CPPED1: variants seen among roughly 807,000 people sequenced by gnomAD.
CPPED1 encodes the protein serine/threonine-protein phosphatase CPPED1.
Under a neutral mutation model 28.0 loss-of-function variants are expected in CPPED1, and 28 were observed. That is an observed-to-expected ratio of 1.00 (90% CI 0.74 to 1.37). CPPED1 has a LOEUF of 1.37. CPPED1 is among the 40% of genes most tolerant of loss of function. The pLI, the probability that CPPED1 is intolerant of heterozygous loss-of-function variation, is 0.00. For missense variants in CPPED1, 504 were observed against 416.5 expected (o/e 1.21, Z -1.83); for synonymous variants, 198 against 180.2 (o/e 1.10, Z -0.79).
chr16:12,721,333 A>C (rs531701716), intron 2 of CPPED1, among the ~76,000 whole-genome samples: 1 of 152,386 alleles, frequency 6.6e-6, no homozygotes, highest in African/African-American at 2.4e-5. Context: ...CAAAGTACCA[A>C]GGAATATAAC....
chr16:12,789,928 T>A (rs1474835357), intron 1 of CPPED1, among the ~76,000 whole-genome samples: 1 of 152,160 alleles, frequency 6.6e-6, no homozygotes, highest in African/African-American at 2.4e-5. Context: ...GTATAGAGAA[T>A]AACAAGATCT....
chr16:12,686,638 G>A (rs901567945), intron 3 of CPPED1, among the ~76,000 whole-genome samples: 2 of 152,212 alleles, frequency 1.3e-5, no homozygotes, highest in African/African-American at 4.8e-5. Context: ...ATCAGAGAGG[G>A]GAGGATGCTG....
chr16:12,719,187 C>A (rs1022530754), intron 2 of CPPED1, among the ~76,000 whole-genome samples: 3 of 152,050 alleles, frequency 2.0e-5, no homozygotes, highest in Non-Finnish European at 4.4e-5. Context: ...GTCAGGAGAT[C>A]GAGACCATCC....
intron 2 of CPPED1, among the ~76,000 whole-genome samples, chr16:12,755,439 G>T (rs1160505147): frequency 6.6e-6 from 1 of 151,678 alleles, no homozygotes; most frequent in African/African-American, 2.4e-5. Flanking sequence ...ATGCCACCAT[G>T]CCTGGCTAAT....
chr16:12,678,005 T>C (rs188541208), intron 3 of CPPED1, among the ~76,000 whole-genome samples: 4 of 152,166 alleles, frequency 2.6e-5, no homozygotes, highest in African/African-American at 9.7e-5. Flanking sequence ...TAAAACTTTA[T>C]TTACAAAAAT....
chr16:12,761,867 C>T (rs1164796006), intron 2 of CPPED1, among the ~76,000 whole-genome samples: 5 of 152,000 alleles, frequency 3.3e-5, no homozygotes, highest in Admixed American at 6.6e-5. Flanking sequence ...AAAAAGTAGC[C>T]GGGCATGGTG....
intron 2 of CPPED1, among the ~76,000 whole-genome samples, chr16:12,744,294 G>GAAAGCAAGCAAGCA (rs1555488298): frequency 2.6e-5 from 2 of 76,426 alleles, no homozygotes; most frequent in East Asian, 3.8e-4. Context: ...GAGAGAGAGA[G>GAAAGCAAGCAAGCA]AGAAAGCAAG....
In CPPED1 at chr16:12,721,607, G is replaced by A. The variant is rs149812675; in HGVS notation, c.290-16558C>T. ...GTCCCTACTAAAAATAAAAAAATTA[G>A]CCGGGCATGGTAGCGGGCACCTGTA... On this transcript the variant is annotated intron_variant, in intron 2 of 3. Coordinates refer to ENST00000381774, the MANE Select transcript of CPPED1 (RefSeq NM_018340.3). Among the ~76,000 whole-genome samples, 37 of 152,116 alleles carry A rather than the reference G, an allele frequency of 2.4e-4. No individual in the cohort carries two copies. The Middle Eastern group carries it at 0.014, about 56-fold the overall frequency.
chr16:12,681,494 A>G (rs1305470565), intron 3 of CPPED1, among the ~76,000 whole-genome samples: 1 of 152,166 alleles, frequency 6.6e-6, no homozygotes, highest in Non-Finnish European at 1.5e-5. Context: ...TAGCAGCACA[A>G]AACGAACTAA....
chr16:12,716,708 C>T (rs2080108823), intron 2 of CPPED1, among the ~76,000 whole-genome samples: 1 of 152,202 alleles, frequency 6.6e-6, no homozygotes, highest in African/African-American at 2.4e-5. Context: ...CAGGCTTAGT[C>T]ATTACAGGGC....
At chr16:12,740,680 A>C (rs1382766481) in intron 2 of CPPED1, among the ~76,000 whole-genome samples, 1 of 152,134 alleles carries the variant, frequency 6.6e-6, no homozygotes, top group Non-Finnish European at 1.5e-5. Context: ...AGCCAGCTGC[A>C]GGGGCAAGGG....
chr16:12,667,231 T>C (rs914659792), intron 3 of CPPED1, among the ~76,000 whole-genome samples: 11 of 152,266 alleles, frequency 7.2e-5, no homozygotes, highest in African/African-American at 2.2e-4. Context: ...AACCCTTCAA[T>C]TGGGAACACA....
At chr16:12,725,698 C>T (rs2080166501) in intron 2 of CPPED1, among the ~76,000 whole-genome samples, 1 of 152,072 alleles carries the variant, frequency 6.6e-6, no homozygotes, top group Non-Finnish European at 1.5e-5. Flanking sequence ...ACCTCGTGTT[C>T]AAATCTCTCT....
rs538391669 is a variant in CPPED1, at chr16:12,687,243, A to C, written c.715+17381T>G. On this transcript the variant is annotated intron_variant, in intron 3 of 3. Transcript: ENST00000381774. ...AATTTAAAAGATACGGTGACTACAA[A>C]AGAATAATGTAACATTCGTAATGCC... 2.0e-5 allele frequency among the ~76,000 whole-genome samples: 3 copies of C among 152,322 alleles called. No individual in the cohort carries two copies. In the South Asian group the frequency reaches 6.2e-4, roughly 32 times the overall value.
At chr16:12,799,048 G>T (rs753979589) in intron 1 of CPPED1, among the ~76,000 whole-genome samples, 2 of 152,092 alleles carry the variant, frequency 1.3e-5, no homozygotes, top group Non-Finnish European at 2.9e-5. Context: ...GTAAATCACC[G>T]GTGGGAGGAA....
At chr16:12,688,724 C>T (rs1322872095) in intron 3 of CPPED1, among the ~76,000 whole-genome samples, 2 of 152,172 alleles carry the variant, frequency 1.3e-5, no homozygotes, top group Non-Finnish European at 2.9e-5. Flanking sequence ...AGGGCAGGGC[C>T]GATGCTTACT....
chr16:12,760,857 G>C (rs916547608), intron 2 of CPPED1: 1 of 152,240 alleles, frequency 6.6e-6, no homozygotes, highest in Non-Finnish European at 1.5e-5. Context: ...GGGCTGGCAG[G>C]ATGGCCTGGA....
At chr16:12,686,228 T>C (rs540902526) in intron 3 of CPPED1, among the ~76,000 whole-genome samples, 1 of 116,886 alleles carries the variant, frequency 8.6e-6, no homozygotes, top group East Asian at 2.2e-4. Context: ...TTATTAATTG[T>C]ATATATATAT....
chr16:12,773,288 C>A (rs1021200797), intron 2 of CPPED1, among the ~76,000 whole-genome samples: 3 of 152,190 alleles, frequency 2.0e-5, no homozygotes, highest in Admixed American at 6.5e-5. Flanking sequence ...GCAAAACCTA[C>A]AAACTTAAAG....
Sources: allele counts gnomAD v4.1 joint callset (sites outside exome capture counted in the v4.1 genomes callset), GRCh38; gene constraint gnomAD v4.1.1; transcripts MANE v1.5; gene names NCBI Gene and HGNC (gene_info 2026-07-23, HGNC 2026-07-21).